The following CELF2 variants were observed in gnomAD, a reference collection of about 807,000 sequenced individuals.
The protein encoded by CELF2 is CUGBP Elav-like family member 2, also known as CUG triplet repeat RNA-binding protein 2.
CELF2 carries 8 observed loss-of-function variants against 62.6 expected under a neutral mutation model. That is an observed-to-expected ratio of 0.13 (90% CI 0.07 to 0.23). The LOEUF (loss-of-function observed/expected upper bound fraction) is 0.23, where lower values mean the gene tolerates loss of function less well. Among genes scored for constraint, CELF2 ranks in the 10% least tolerant of loss-of-function variants. The pLI is 1.00. For missense variants in CELF2, 333 were observed against 671.0 expected (o/e 0.50, Z 5.56); for synonymous variants, 258 against 250.0 (o/e 1.03, Z -0.30).
At chr10:10,738,820 A>C in the CELF2 span, among the ~76,000 whole-genome samples, 1 of 152,224 alleles carries the variant, frequency 6.6e-6, no homozygotes, top group Non-Finnish European at 1.5e-5. Context: ...GGATCATGGA[A>C]GGGAAAAAGA....
rs2064855323 is a variant in CELF2, at chr10:11,157,829, C to G, written c.75-7657C>G. 6.6e-6 allele frequency among the ~76,000 whole-genome samples: 1 copy of G among 152,218 alleles called. No individual in the cohort carries two copies. The highest frequency in any genetic ancestry group is 1.5e-5 in the Non-Finnish European group (1 of 68,044). The stretch of plus-strand genomic sequence containing the variant: ...TGTGAATCCGCACTGACCGTGTTCT[C>G]TTGCATAAATAAGTCCAGGCAAAGT... On this transcript the variant is annotated intron_variant, in intron 1 of 12. Transcript: ENST00000633077. The surrounding 1 kb of genome is among the most constrained non-coding windows in gnomAD (Gnocchi z 4.9).
chr10:11,323,865 T>C lies in CELF2; in HGVS notation c.1295-1971T>C, dbSNP rs150028197. On this transcript the variant is annotated intron_variant, in intron 11 of 12. Coordinates refer to ENST00000633077, the MANE Select transcript of CELF2 (RefSeq NM_001326342.2). ...ATTTTTAAAAAAGGTATTTTGTTTT[T>C]TCCTCTTCATCTCAGCCACCTTAGT... Among the ~76,000 whole-genome samples, 28 of 152,340 alleles carry C rather than the reference T, an allele frequency of 1.8e-4. No individual in the cohort carries two copies. The East Asian group carries it at 4.4e-3, about 24-fold the overall frequency.
At chr10:10,942,564 A>T (rs987318220) in intron 2 of CELF2, among the ~76,000 whole-genome samples, 2 of 152,216 alleles carry the variant, frequency 1.3e-5, no homozygotes, top group African/African-American at 2.4e-5. Context: ...TGGCCACAAG[A>T]TGGAAGTCAT....
At chr10:10,738,295 T>C in the CELF2 span, among the ~76,000 whole-genome samples, 1 of 152,244 alleles carries the variant, frequency 6.6e-6, no homozygotes, top group Non-Finnish European at 1.5e-5. Context: ...TATGCTGCCA[T>C]ACATTCATAT....
At chr10:11,042,259 C>T (rs1282375558) in intron 1 of CELF2, among the ~76,000 whole-genome samples, 2 of 152,276 alleles carry the variant, frequency 1.3e-5, no homozygotes, top group Admixed American at 6.5e-5. Flanking sequence ...AGCCTGGCAG[C>T]ACTGTTTTGT....
the CELF2 span, among the ~76,000 whole-genome samples, chr10:10,767,053 T>G: frequency 2.9e-4 from 44 of 152,286 alleles, no homozygotes; most frequent in South Asian, 6.2e-4. Flanking sequence ...TTAGGACATT[T>G]TCCTTCATCG....
chr10:10,578,635 C>T, the CELF2 span, among the ~76,000 whole-genome samples: 1 of 151,988 alleles, frequency 6.6e-6, no homozygotes, highest in South Asian at 2.1e-4. Flanking sequence ...GGAAAAGGAC[C>T]ATGCAAGCAC....
At chr10:10,805,761 G>C (rs7090430) in intron 1 of CELF2, among the ~76,000 whole-genome samples, 90,248 of 151,934 alleles carry the variant, frequency 0.59, 26,993 homozygotes, top group African/African-American at 0.67. Context: ...GAGTCTTTAG[G>C]AGTCCTTTTC....
At chr10:10,480,558 C>A in the CELF2 span, among the ~76,000 whole-genome samples, 1 of 152,142 alleles carries the variant, frequency 6.6e-6, no homozygotes, top group East Asian at 1.9e-4. Context: ...ATGAGCTATT[C>A]ATATTTTCAC....
chr10:10,746,709 T>C, the CELF2 span, among the ~76,000 whole-genome samples: 1 of 152,222 alleles, frequency 6.6e-6, no homozygotes, highest in Non-Finnish European at 1.5e-5. Context: ...ATTTCGGTGG[T>C]ATTGATTTTA....
At chr10:10,612,804 G>A in the CELF2 span, among the ~76,000 whole-genome samples, 5 of 152,286 alleles carry the variant, frequency 3.3e-5, no homozygotes, top group South Asian at 6.2e-4. Flanking sequence ...TCAGGCCCAT[G>A]TAATTTAAGA....
At chr10:10,943,341 G>T (rs1461353681) in intron 2 of CELF2, among the ~76,000 whole-genome samples, 1 of 152,132 alleles carries the variant, frequency 6.6e-6, no homozygotes, top group African/African-American at 2.4e-5. Context: ...TCCCACATGG[G>T]GCCAAAGGAA....
chr10:11,199,894 T>C (rs560983952), intron 2 of CELF2, among the ~76,000 whole-genome samples: 5 of 152,192 alleles, frequency 3.3e-5, no homozygotes, highest in Non-Finnish European at 1.5e-5. Flanking sequence ...CCTAATTGGA[T>C]GGCCTGAATT....
At chr10:10,519,062 C>A in the CELF2 span, among the ~76,000 whole-genome samples, 66 of 152,266 alleles carry the variant, frequency 4.3e-4, no homozygotes, top group South Asian at 2.1e-3. Context: ...ATATGAATAA[C>A]AATCTGAGGA....
At chr10:10,812,459 A>G (rs1340962272) in intron 1 of CELF2, among the ~76,000 whole-genome samples, 2 of 152,186 alleles carry the variant, frequency 1.3e-5, no homozygotes, top group Non-Finnish European at 2.9e-5. Flanking sequence ...ACTTTAGTGC[A>G]ACAGAGTTAG....
At chr10:10,916,394 T>A (rs1176809677) in intron 1 of CELF2, among the ~76,000 whole-genome samples, 1 of 152,256 alleles carries the variant, frequency 6.6e-6, no homozygotes, top group African/African-American at 2.4e-5. Context: ...AAGTAATATC[T>A]GTAACTCTAA....
chr10:11,100,442 G>A (rs74496962), intron 1 of CELF2, among the ~76,000 whole-genome samples: 4,648 of 151,778 alleles, frequency 0.031, 243 homozygotes, highest in African/African-American at 0.11. Context: ...CTTAACATGC[G>A]TTATTCATAG....
chr10:11,146,307 A>C (rs1359273141), intron 1 of CELF2, among the ~76,000 whole-genome samples: 1 of 152,242 alleles, frequency 6.6e-6, no homozygotes, highest in Non-Finnish European at 1.5e-5. Flanking sequence ...AAAGGACCCA[A>C]AGTGTAATTA....
At chr10:10,933,932 G>T (rs1317571060) in intron 2 of CELF2, among the ~76,000 whole-genome samples, 1 of 152,148 alleles carries the variant, frequency 6.6e-6, no homozygotes, top group Non-Finnish European at 1.5e-5. Flanking sequence ...CTGACGTATT[G>T]ATTTCAATTC....
Sources: gnomAD v4.1 joint callset for allele counts (sites outside exome capture counted in the v4.1 genomes callset) on GRCh38, gnomAD v4.1.1 for gene constraint, Gnocchi (gnomAD v3.1) non-coding constraint, MANE v1.5 for transcripts, NCBI Gene and HGNC (gene_info 2026-07-23, HGNC 2026-07-21) for gene names.